TNFRSF8: variants seen among roughly 807,000 people sequenced by gnomAD.
The protein encoded by TNFRSF8 is TNF receptor superfamily member 8.
A neutral mutation model predicts 70.8 loss-of-function variants in TNFRSF8; 26 were observed. The ratio of observed to expected loss-of-function variants is 0.37; its 90% CI spans 0.27 to 0.51. TNFRSF8 has a LOEUF of 0.51. Among genes scored for constraint, TNFRSF8 ranks in the 20% least tolerant of loss-of-function variants. The pLI is 0.94. For missense variants in TNFRSF8, 720 were observed against 807.9 expected (o/e 0.89, Z 1.32); for synonymous variants, 356 against 339.2 (o/e 1.05, Z -0.54).
At chr1:12,102,396 T>G (rs1641440818) in intron 3 of TNFRSF8, among the ~76,000 whole-genome samples, 1 of 152,232 alleles carries the variant, frequency 6.6e-6, no homozygotes, top group African/African-American at 2.4e-5. Flanking sequence ...TCTCCTTCAC[T>G]CTGATCTTAT....
chr1:12,128,154 A>G (rs1198603314), intron 12 of TNFRSF8, among the ~76,000 whole-genome samples: 2 of 152,236 alleles, frequency 1.3e-5, no homozygotes, highest in East Asian at 3.8e-4. Context: ...TCGTTCATTC[A>G]TCTATTCACA....
chr1:12,111,830 G>A, intron 6 of TNFRSF8, 68 bp from the exon 7 acceptor site: 1 of 1,329,522 alleles, frequency 7.5e-7, no homozygotes, highest in Admixed American at 1.7e-5. Flanking sequence ...GGGGGCTTCA[G>A]GGTTGGGTGG....
intron 12 of TNFRSF8, among the ~76,000 whole-genome samples, chr1:12,131,532 G>A (rs1362026335): frequency 6.6e-6 from 1 of 151,746 alleles, no homozygotes; most frequent in African/African-American, 2.4e-5. Context: ...TTGTTTTGGA[G>A]ACAGGGTGTC....
At chr1:12,130,186 G>C (rs1470557551) in intron 12 of TNFRSF8, among the ~76,000 whole-genome samples, 1 of 152,212 alleles carries the variant, frequency 6.6e-6, no homozygotes, top group Non-Finnish European at 1.5e-5. Flanking sequence ...GGGATGACAG[G>C]CGTGAGCTGC....
intron 2 of TNFRSF8, 37 bp downstream of exon 2, chr1:12,084,588 A>G (rs779731916): frequency 2.5e-6 from 4 of 1,585,688 alleles, no homozygotes; most frequent in South Asian, 1.1e-5. Flanking sequence ...GAAGGGGGGA[A>G]ATTTGTCCTC....
intron 3 of TNFRSF8, among the ~76,000 whole-genome samples, chr1:12,099,418 T>G (rs1366336039): frequency 6.6e-6 from 1 of 152,124 alleles, no homozygotes; most frequent in African/African-American, 2.4e-5. Context: ...GTGTTGGGAT[T>G]ACAGGTGTGA....
At chr1:12,095,476 C>T (rs935851643) in intron 2 of TNFRSF8, among the ~76,000 whole-genome samples, 1 of 152,106 alleles carries the variant, frequency 6.6e-6, no homozygotes, top group Non-Finnish European at 1.5e-5. Flanking sequence ...TTAGTAGAGA[C>T]GGTGTTTCAC....
intron 12 of TNFRSF8, among the ~76,000 whole-genome samples, chr1:12,127,740 A>G (rs1362389883): frequency 6.6e-6 from 1 of 152,224 alleles, no homozygotes; most frequent in Non-Finnish European, 1.5e-5. Context: ...TGTCTCATTG[A>G]AACCGGCGTT....
At position 12,063,772 on chromosome 1, in the gene TNFRSF8, G is replaced by A. The variant is rs1417616011; in HGVS notation, c.63+111G>A. On this transcript the variant is annotated intron_variant, in intron 1 of 14. Transcript: ENST00000263932. The surrounding 1 kb of genome is among the most constrained non-coding windows in gnomAD (Gnocchi z 7.2). ...CCTCACCCCGTTCCCTGCCCAGCTG[G>A]AGTGAGGGGGCGCGGGTGACAAGCA... is the stretch of plus-strand genomic sequence containing the variant. 12 of 1,038,962 alleles carry A rather than the reference G, an allele frequency of 1.2e-5. No homozygotes were observed. Among genetic ancestry groups the A allele is most frequent in the Non-Finnish European group, 1.5e-5 (12 of 806,658 alleles). 64.4% of individuals were successfully genotyped at this position (1,038,962 alleles called of 1,614,324 possible). A position where few individuals can be genotyped will look rare whatever the true frequency, so the allele number is the denominator to read the frequency against.
At chr1:12,096,179 A>G (rs11121855) in intron 2 of TNFRSF8, among the ~76,000 whole-genome samples, 14,716 of 152,142 alleles carry the variant, frequency 0.097, 782 homozygotes, top group Middle Eastern at 0.13. Flanking sequence ...TCCTGAGCCA[A>G]TTATATTGAT....
intron 3 of TNFRSF8, among the ~76,000 whole-genome samples, chr1:12,102,180 T>C (rs569231391): frequency 2.0e-5 from 3 of 152,222 alleles, no homozygotes; most frequent in Non-Finnish European, 4.4e-5. Context: ...TCTAGTTCTG[T>C]GCACATCATA....
In TNFRSF8 at chr1:12,141,173, A is replaced by G. The variant is rs1642247635; in HGVS notation, c.1544-1114A>G. Among the ~76,000 whole-genome samples the G allele has an allele frequency of 6.6e-6, 1 of 151,816 alleles. No individual in the cohort carries two copies. Among genetic ancestry groups the G allele is most frequent in the African/African-American group, 2.4e-5 (1 of 41,280 alleles). ...TCGAGAACCTTTTTGGGGTTCCTGA[A>G]TCCGAGGGGTATAACTGCATTACCC... On this transcript the variant is annotated intron_variant, in intron 14 of 14. Coordinates refer to ENST00000263932, the MANE Select transcript of TNFRSF8 (RefSeq NM_001243.5). This position sits in a 1 kb window ranked among gnomAD's most constrained non-coding sequence, Gnocchi z 5.4.
chr1:12,126,170 G>C lies in TNFRSF8; in HGVS notation c.1256-13G>C. On this transcript the variant is annotated splice_polypyrimidine_tract_variant and intron_variant, in intron 11 of 14. Coordinates refer to ENST00000263932, the MANE Select transcript of TNFRSF8 (RefSeq NM_001243.5). Reference sequence around the variant, plus strand: ...GGCCGCCACCCCCAGCCTTCCTCCTGGTGTCGTTTCAGAGCTCCACCTGTG... The same window carrying C: ...GGCCGCCACCCCCAGCCTTCCTCCTCGTGTCGTTTCAGAGCTCCACCTGTG... 3 of 1,614,096 alleles carry C rather than the reference G, an allele frequency of 1.9e-6. No individual in the cohort carries two copies. The highest frequency in any genetic ancestry group is 2.5e-6 in the Non-Finnish European group (3 of 1,180,012).
At chr1:12,116,759 C>A (rs1570052963) in intron 8 of TNFRSF8, among the ~76,000 whole-genome samples, 1 of 152,226 alleles carries the variant, frequency 6.6e-6, no homozygotes, top group East Asian at 1.9e-4. Flanking sequence ...GAGATTGCAC[C>A]ACTGAACTCC....
rs1641597587 is a variant in TNFRSF8, at chr1:12,109,955, T to C, written c.513-86T>C. 6.7e-7 allele frequency: 1 copy of C among 1,498,512 alleles called. No individual in the cohort carries two copies. The highest frequency in any genetic ancestry group is 1.3e-5 in the South Asian group (1 of 78,990). The allele number at this position is 1,498,512 out of a possible 1,614,324, so 92.8% of individuals were successfully genotyped here. On this transcript the variant is annotated intron_variant, in intron 5 of 14. Transcript: ENST00000263932. The surrounding 1 kb of genome is among the most constrained non-coding windows in gnomAD (Gnocchi z 4.4). ...AGTGGGCCAAGGGCCTGGGACCCCA[T>C]CTCTGTGGAAACTGTTACTCGTGAG...
In TNFRSF8 at chr1:12,138,267, G is replaced by A. The variant is rs745517443; in HGVS notation, c.1374G>A (p.Ala458=). 6 of 1,613,430 alleles carry A rather than the reference G, an allele frequency of 3.7e-6. No homozygotes were observed. Among genetic ancestry groups the A allele is most frequent in the Admixed American group, 3.3e-5 (2 of 59,996 alleles). Residue 458 remains alanine (A), a synonymous_variant, in exon 14 of 15, where the codon GCG becomes GCA. Coordinates refer to ENST00000263932, the MANE Select transcript of TNFRSF8 (RefSeq NM_001243.5). This position sits in a 1 kb window ranked among gnomAD's most constrained non-coding sequence, Gnocchi z 5.7. ...GTGCGTCGGTGACAGAACCCGTCGC[G>A]GAAGAGCGAGGGTTAATGAGCCAGC... The part of the protein sequence containing the change: ...RSGASVTEPV[A]EERGLMSQPL...
In TNFRSF8 at chr1:12,142,563, C is replaced by G. The variant is rs1642275790; in HGVS notation, c.*32C>G. On this transcript the variant is annotated 3_prime_UTR_variant, in exon 15 of 15. Transcript: ENST00000263932. The surrounding 1 kb of genome is among the most constrained non-coding windows in gnomAD (Gnocchi z 5.0). The stretch of plus-strand genomic sequence containing the variant: ...GGCTGGGCTGGGGCTAGGAGGGCAG[C>G]AGGGTGGCCTCTGGGAGGCCAGGAT... 1.3e-6 allele frequency: 2 copies of G among 1,547,590 alleles called. No individual in the cohort carries two copies. The highest frequency in any genetic ancestry group is 1.8e-4 in the Middle Eastern group (1 of 5,428).
chr1:12,093,527 C>T (rs1277529960), intron 2 of TNFRSF8, among the ~76,000 whole-genome samples: 1 of 152,034 alleles, frequency 6.6e-6, no homozygotes, highest in Non-Finnish European at 1.5e-5. Flanking sequence ...TAGAAAGACT[C>T]ATCCTCAAGG....
intron 2 of TNFRSF8, among the ~76,000 whole-genome samples, chr1:12,089,340 TAA>T (rs1347265983): frequency 6.6e-6 from 1 of 152,188 alleles, no homozygotes; most frequent in Non-Finnish European, 1.5e-5. Flanking sequence ...TGAATATGGC[TAA>T]CTTGCCCCGC....
Sources: gnomAD v4.1 joint callset for allele counts (sites outside exome capture counted in the v4.1 genomes callset) on GRCh38, gnomAD v4.1.1 for gene constraint, Gnocchi (gnomAD v3.1) non-coding constraint, MANE v1.5 for transcripts, NCBI Gene and HGNC (gene_info 2026-07-23, HGNC 2026-07-21) for gene names.